The following MYO1D variants were observed in gnomAD, a reference collection of about 807,000 sequenced individuals.
The protein encoded by MYO1D is myosin ID, also known as unconventional myosin-Id.
Under a neutral mutation model 122.0 loss-of-function variants are expected in MYO1D, and 83 were observed. That is an observed-to-expected ratio of 0.68 (90% CI 0.57 to 0.82). The LOEUF is 0.82. MYO1D is among the 40% of genes least tolerant of loss of function. The pLI, the probability that MYO1D is intolerant of heterozygous loss-of-function variation, is 0.00. For missense variants in MYO1D, 1,157 were observed against 1,269.5 expected, an observed-to-expected ratio of 0.91 and a Z score of 1.35; for synonymous variants, 464 against 446.9, an observed-to-expected ratio of 1.04 and a Z score of -0.48.
At chr17:32,522,818 CTT>C (rs35925304) in intron 21 of MYO1D, among the ~76,000 whole-genome samples, 209 of 131,326 alleles carry the variant, frequency 1.6e-3, no homozygotes, top group Non-Finnish European at 1.3e-3. Flanking sequence ...TCCCCCATGT[CTT>C]TTTTTTTTTT....
At chr17:32,566,430 A>G (rs1263532969) in intron 21 of MYO1D, among the ~76,000 whole-genome samples, 1 of 152,098 alleles carries the variant, frequency 6.6e-6, no homozygotes, top group Admixed American at 6.5e-5. Context: ...TCTCTGAGGT[A>G]GGCAGTGAGG....
At chr17:32,820,541 CATG>C (rs201452899) in intron 1 of MYO1D, among the ~76,000 whole-genome samples, 2,220 of 152,230 alleles carry the variant, frequency 0.015, 45 homozygotes, top group African/African-American at 0.048. Context: ...ACAAATACTA[CATG>C]ATTTCACTTA....
chr17:32,799,560 A>G (rs1039439755), intron 1 of MYO1D, among the ~76,000 whole-genome samples: 1 of 152,212 alleles, frequency 6.6e-6, no homozygotes, highest in Admixed American at 6.5e-5. Flanking sequence ...CTTAAGCATA[A>G]GACCTGAACC....
intron 21 of MYO1D, among the ~76,000 whole-genome samples, chr17:32,551,530 A>C (rs906833299): frequency 2.8e-5 from 4 of 143,906 alleles, no homozygotes; most frequent in African/African-American, 7.9e-5. Context: ...CTCTTTCTCT[A>C]TGTCCCCCCA....
chr17:32,497,213 A>G (rs1597856619), intron 21 of MYO1D: 1 of 152,528 alleles, frequency 6.6e-6, no homozygotes, highest in Admixed American at 6.5e-5. Context: ...AGGGAGGATC[A>G]ATTGAGGCCA....
chr17:32,792,664 A>G (rs1241166241), intron 1 of MYO1D: 1 of 152,150 alleles, frequency 6.6e-6, no homozygotes, highest in Non-Finnish European at 1.5e-5. Context: ...TTTTCTAGAG[A>G]CAGGGTCTCG....
intron 21 of MYO1D, among the ~76,000 whole-genome samples, chr17:32,604,816 C>T (rs1323442092): frequency 6.6e-6 from 1 of 152,182 alleles, no homozygotes; most frequent in Non-Finnish European, 1.5e-5. Flanking sequence ...GATTTAATTG[C>T]ATTTGGATCG....
intron 1 of MYO1D, among the ~76,000 whole-genome samples, chr17:32,842,228 G>A (rs949769992): frequency 4.6e-5 from 7 of 152,106 alleles, no homozygotes; most frequent in African/African-American, 1.7e-4. Flanking sequence ...AATGGAGCTT[G>A]GACTGAGAGT....
chr17:32,746,116 G>A (rs912815750), intron 12 of MYO1D, among the ~76,000 whole-genome samples: 13 of 152,196 alleles, frequency 8.5e-5, no homozygotes, highest in Non-Finnish European at 1.2e-4. Context: ...TCTCTAACCC[G>A]GATTCCTTGC....
At chr17:32,857,261 C>G (rs536312262) in intron 1 of MYO1D, among the ~76,000 whole-genome samples, 1 of 152,286 alleles carries the variant, frequency 6.6e-6, no homozygotes, top group East Asian at 1.9e-4. Context: ...GTCTTCCCAA[C>G]TGTAATGAAT....
chr17:32,760,581 T>A lies in MYO1D; in HGVS notation c.1082A>T (p.Asp361Val). Residue 361 changes from aspartate to valine, a missense_variant, in exon 9 of 22, where the codon GAT (aspartate) becomes GTT (valine). Asp to Val is a radical substitution (Grantham distance 152). Transcript: ENST00000318217. The part of the protein sequence containing the change: ...LFCWIVTRIN[D>V]IIEVKNYDTT... ...GTCATAGTTCTTGACCTCAATAATA[T>A]CATTGATGCGAGTAACGATCCAACA... 6.2e-7 allele frequency: 1 copy of A among 1,613,544 alleles called. No individual in the cohort carries two copies. The highest frequency in any genetic ancestry group is 8.5e-7 in the Non-Finnish European group (1 of 1,179,700).
At chr17:32,569,543 T>C (rs115154176) in intron 21 of MYO1D, among the ~76,000 whole-genome samples, 1,985 of 152,270 alleles carry the variant, frequency 0.013, 63 homozygotes, top group African/African-American at 0.046. Context: ...TGAAAGGAAG[T>C]GCCCCAGACT....
At chr17:32,553,848 T>C (rs1230410309) in intron 21 of MYO1D, among the ~76,000 whole-genome samples, 2 of 152,110 alleles carry the variant, frequency 1.3e-5, no homozygotes, top group African/African-American at 4.8e-5. Flanking sequence ...CAATCCACAC[T>C]CCCCAGTACA....
intron 19 of MYO1D, among the ~76,000 whole-genome samples, chr17:32,642,273 C>A (rs1271432128): frequency 1.3e-5 from 2 of 152,206 alleles, no homozygotes; most frequent in Non-Finnish European, 2.9e-5. Context: ...GGGCTCTGTT[C>A]TGTTCCATTG....
At chr17:32,725,950 T>C (rs2089567303) in intron 14 of MYO1D, among the ~76,000 whole-genome samples, 1 of 152,220 alleles carries the variant, frequency 6.6e-6, no homozygotes, top group Non-Finnish European at 1.5e-5. Flanking sequence ...ACACTATCTT[T>C]GAAGTGCCAA....
intron 1 of MYO1D, among the ~76,000 whole-genome samples, chr17:32,804,479 G>A (rs746145605): frequency 6.6e-6 from 1 of 152,124 alleles, no homozygotes; most frequent in Non-Finnish European, 1.5e-5. Flanking sequence ...ACTATTTGAA[G>A]ACCCACCATC....
chr17:32,495,667 T>C (rs1909070822), intron 21 of MYO1D: 2 of 152,430 alleles, frequency 1.3e-5, no homozygotes, highest in Non-Finnish European at 2.9e-5. Flanking sequence ...CTGAACATGC[T>C]AAGAAGCTGC....
intron 16 of MYO1D, among the ~76,000 whole-genome samples, chr17:32,703,562 C>G (rs151012833): frequency 6.6e-6 from 1 of 151,864 alleles, no homozygotes; most frequent in African/African-American, 2.4e-5. Flanking sequence ...ATTACAGGTG[C>G]ATGCTACCGT....
At chr17:32,758,106 A>G (rs942193871) in intron 10 of MYO1D, among the ~76,000 whole-genome samples, 1 of 152,144 alleles carries the variant, frequency 6.6e-6, no homozygotes, top group Non-Finnish European at 1.5e-5. Context: ...AAGACTCTAG[A>G]TCTAACAACC....
Sources: gnomAD v4.1 joint callset for allele counts (sites outside exome capture counted in the v4.1 genomes callset) on GRCh38, gnomAD v4.1.1 for gene constraint, MANE v1.5 for transcripts, NCBI Gene and HGNC (gene_info 2026-07-23, HGNC 2026-07-21) for gene names.